Variants in SLC35F2 observed in about 807,000 individuals in gnomAD.
SLC35F2 encodes queuine/queuosine transporter SLC35F2.
A neutral mutation model predicts 38.1 loss-of-function variants in SLC35F2; 25 were observed. The ratio of observed to expected loss-of-function variants is 0.66; its 90% CI spans 0.48 to 0.92. The LOEUF (loss-of-function observed/expected upper bound fraction) is 0.92. SLC35F2 is among the 40% of genes least tolerant of loss of function. The pLI, the probability that SLC35F2 is intolerant of heterozygous loss-of-function variation, is 0.00. For synonymous variants in SLC35F2, 173 were observed against 181.7 expected (o/e 0.95, Z 0.38); for missense variants, 409 against 452.9 (o/e 0.90, Z 0.88).
intron 1 of SLC35F2, among the ~76,000 whole-genome samples, chr11:107,833,386 G>A (rs986684509): frequency 3.9e-5 from 6 of 151,970 alleles, no homozygotes; most frequent in South Asian, 4.2e-4. Context: ...AGGCGTGGTC[G>A]CACATGCCTG....
Position 107,818,994 on chromosome 11 carries a change from G to A in SLC35F2, c.111-3029C>T, listed in dbSNP as rs372491227. On this transcript the variant is annotated intron_variant, in intron 1 of 7. Coordinates refer to ENST00000525815, the MANE Select transcript of SLC35F2 (RefSeq NM_017515.5). ...TGTCTCTATTTTAAAAAAGTGGGGGGGTGGTTATAGATATGCTGAGATTTA... is the reference window on the plus strand; with the variant it reads ...TGTCTCTATTTTAAAAAAGTGGGGGAGTGGTTATAGATATGCTGAGATTTA... Among the ~76,000 whole-genome samples, 322 of 152,226 alleles carry A rather than the reference G, an allele frequency of 2.1e-3. 1 individual carries two copies. Among genetic ancestry groups the A allele is most frequent in the African/African-American group, 7.1e-3 (296 of 41,554 alleles).
chr11:107,817,023 A>G (rs985196458), intron 1 of SLC35F2, among the ~76,000 whole-genome samples: 1 of 152,142 alleles, frequency 6.6e-6, no homozygotes, highest in Non-Finnish European at 1.5e-5. Flanking sequence ...CACACCTGTA[A>G]CCCCAGTACT....
intron 1 of SLC35F2, among the ~76,000 whole-genome samples, chr11:107,824,113 A>T (rs1182164344): frequency 6.6e-6 from 1 of 152,124 alleles, no homozygotes. Context: ...AAGAACCTAC[A>T]TTCTGTTAGT....
At chr11:107,810,945 T>A (rs1168416925) in intron 3 of SLC35F2, 2 of 935,926 alleles carry the variant, frequency 2.1e-6, no homozygotes. Context: ...TGATACACAC[T>A]TTTTTTTATT....
At chr11:107,830,960 A>C (rs1859830570) in intron 1 of SLC35F2, among the ~76,000 whole-genome samples, 1 of 152,230 alleles carries the variant, frequency 6.6e-6, no homozygotes, top group South Asian at 2.1e-4. Flanking sequence ...AAGATTGCTG[A>C]TCTAATATAA....
At chr11:107,806,944 A>G in intron 3 of SLC35F2, 68 bp from the exon 4 acceptor site, 1 of 1,414,618 alleles carries the variant, frequency 7.1e-7, no homozygotes, top group Non-Finnish European at 9.8e-7. Flanking sequence ...TAATTAAGAA[A>G]TAATAGGAGT....
At chr11:107,818,962 G>C (rs73001547) in intron 1 of SLC35F2, among the ~76,000 whole-genome samples, 5,101 of 152,186 alleles carry the variant, frequency 0.034, 119 homozygotes, top group African/African-American at 0.064. Context: ...GCAACAAAGA[G>C]AGACCCTGTC....
At chr11:107,802,242 A>AAATAAATAAATAAATAAATAAATAAAT (rs1859319840) in intron 7 of SLC35F2, among the ~76,000 whole-genome samples, 3 of 147,892 alleles carry the variant, frequency 2.0e-5, no homozygotes, top group African/African-American at 7.7e-5. Flanking sequence ...CATCTCAAAA[A>AAATAAATAAATAAATAAATAAATAAAT]AAATAAATAA....
intron 1 of SLC35F2, among the ~76,000 whole-genome samples, chr11:107,856,459 C>T (rs1014990609): frequency 1.3e-5 from 2 of 152,034 alleles, no homozygotes; most frequent in South Asian, 2.1e-4. Context: ...CTTTGGGAGG[C>T]GGAGGTGGGT....
intron 1 of SLC35F2, among the ~76,000 whole-genome samples, chr11:107,828,064 A>T (rs1859783367): frequency 6.6e-6 from 1 of 152,236 alleles, no homozygotes; most frequent in Admixed American, 6.5e-5. Context: ...GATTGAATCT[A>T]TGACAAAAAT....
chr11:107,803,857 G>A (rs868800813), intron 6 of SLC35F2, among the ~76,000 whole-genome samples: 2 of 151,034 alleles, frequency 1.3e-5, no homozygotes, highest in Non-Finnish European at 2.9e-5. Context: ...ACGGAGTCTC[G>A]CACTGTTGCC....
intron 1 of SLC35F2, chr11:107,823,949 A>C: frequency 1.0e-6 from 1 of 966,912 alleles, no homozygotes; most frequent in Non-Finnish European, 1.2e-6. Context: ...AAAAAGAAAA[A>C]AGAAAAGAAA....
intron 7 of SLC35F2, among the ~76,000 whole-genome samples, chr11:107,796,171 G>C (rs1239974466): frequency 6.6e-6 from 1 of 152,036 alleles, no homozygotes; most frequent in Non-Finnish European, 1.5e-5. Context: ...TACTGCTGGT[G>C]GGAATGTAAA....
chr11:107,820,253 C>G (rs918145661), intron 1 of SLC35F2, among the ~76,000 whole-genome samples: 1 of 120,548 alleles, frequency 8.3e-6, no homozygotes, highest in African/African-American at 3.6e-5. Flanking sequence ...AGAGTTTGCC[C>G]AAAAAATAAA....
intron 1 of SLC35F2, among the ~76,000 whole-genome samples, chr11:107,843,538 G>A (rs539700817): frequency 1.1e-4 from 15 of 142,230 alleles, no homozygotes; most frequent in African/African-American, 2.4e-4. Flanking sequence ...CAACAAAAGC[G>A]AAACTTTGTC....
rs539595260 is a variant in SLC35F2, at chr11:107,824,498, T to C, written c.111-8533A>G. Among the ~76,000 whole-genome samples, 9 of 152,298 alleles carry C rather than the reference T, an allele frequency of 5.9e-5. No homozygotes were observed. In the East Asian group the frequency reaches 1.7e-3, roughly 29 times the overall value. ...AGGTACAGGCAAGTGAAAACAGTGG[T>C]TCACACCATGTGCTGTTCTGGAAAA... On this transcript the variant is annotated intron_variant, in intron 1 of 7. Transcript: ENST00000525815.
intron 1 of SLC35F2, among the ~76,000 whole-genome samples, chr11:107,853,675 G>A (rs1303095665): frequency 1.4e-3 from 193 of 141,290 alleles, no homozygotes; most frequent in Non-Finnish European, 2.4e-3. Flanking sequence ...AGCCGAGATC[G>A]CGCCACTGCA....
intron 4 of SLC35F2, 157 bp from the exon 5 acceptor site, chr11:107,805,672 A>ATG (rs373481843): frequency 1.0e-4 from 95 of 930,218 alleles, no homozygotes; most frequent in African/African-American, 2.0e-4. Context: ...GTGTGTGTGT[A>ATG]TGTGTGTGTG....
At chr11:107,817,283 G>A (rs1859589319) in intron 1 of SLC35F2, among the ~76,000 whole-genome samples, 1 of 151,022 alleles carries the variant, frequency 6.6e-6, no homozygotes, top group Admixed American at 6.6e-5. Flanking sequence ...AAGGAAGAAA[G>A]GAAAGAAAGA....
Sources: gnomAD v4.1 joint callset for allele counts (sites outside exome capture counted in the v4.1 genomes callset) on GRCh38, gnomAD v4.1.1 for gene constraint, MANE v1.5 for transcripts, NCBI Gene and HGNC (gene_info 2026-07-23, HGNC 2026-07-21) for gene names.